PDE10A: variants seen among roughly 807,000 people sequenced by gnomAD.
PDE10A encodes the protein cAMP and cAMP-inhibited cGMP 3',5'-cyclic phosphodiesterase 10A.
A neutral mutation model predicts 97.7 loss-of-function variants in PDE10A; 39 were observed. The ratio of observed to expected loss-of-function variants is 0.40; its 90% CI spans 0.31 to 0.52. The LOEUF is 0.52. Ranked by LOEUF, PDE10A falls within the 20% of genes least tolerant of loss-of-function variation. PDE10A has a pLI of 0.56. For missense variants in PDE10A, 731 were observed against 1,047.8 expected, an observed-to-expected ratio of 0.70 and a Z score of 4.17; for synonymous variants, 371 against 376.8, an observed-to-expected ratio of 0.98 and a Z score of 0.18.
intron 10 of PDE10A, 26 bp downstream of exon 10, chr6:165,428,632 T>A: frequency 9.3e-7 from 1 of 1,075,668 alleles, no homozygotes; most frequent in Middle Eastern, 2.0e-4. Flanking sequence ...TTAAACAGAA[T>A]CATACTCAGA....
rs1784835738 is a variant in PDE10A at position 165,379,968 on chromosome 6, A to G, written c.2611-602T>C. On this transcript the variant is annotated intron_variant, in intron 17 of 21. Transcript: ENST00000539869. ...TACAACACAAATCACTGAAGCTACGACAATTCTAGGACCATCTTCTATTCC... is the reference window on the plus strand; with the variant it reads ...TACAACACAAATCACTGAAGCTACGGCAATTCTAGGACCATCTTCTATTCC... Among the ~76,000 whole-genome samples, 4 of 152,234 alleles carry G rather than the reference A, an allele frequency of 2.6e-5. No individual in the cohort carries two copies. In the South Asian group the frequency reaches 8.3e-4, roughly 31 times the overall value.
intron 1 of PDE10A, among the ~76,000 whole-genome samples, chr6:165,811,048 AC>A (rs1276026885): frequency 1.3e-5 from 2 of 152,144 alleles, no homozygotes; most frequent in South Asian, 4.1e-4. Context: ...ACATGGTGAA[AC>A]CCCATCTCTA....
At chr6:165,511,646 G>C (rs867362685) in intron 2 of PDE10A, among the ~76,000 whole-genome samples, 1 of 151,852 alleles carries the variant, frequency 6.6e-6, no homozygotes, top group Admixed American at 6.6e-5. Context: ...GTATTGGAGT[G>C]TCTCTCTCTC....
At chr6:165,577,178 A>AAGC (rs1176806680) in intron 1 of PDE10A, among the ~76,000 whole-genome samples, 1 of 152,202 alleles carries the variant, frequency 6.6e-6, no homozygotes, top group African/African-American at 2.4e-5. Flanking sequence ...AAGTAATCTG[A>AAGC]AGCAGGTTTC....
At chr6:165,701,645 G>GTA (rs1401554425) in intron 1 of PDE10A, among the ~76,000 whole-genome samples, 5 of 84,292 alleles carry the variant, frequency 5.9e-5, no homozygotes, top group African/African-American at 3.5e-4. Flanking sequence ...TACTCTTCAT[G>GTA]TATGTGTGTG....
intron 1 of PDE10A, among the ~76,000 whole-genome samples, chr6:165,822,615 T>TA (rs34504537): frequency 3.5e-4 from 50 of 144,886 alleles, no homozygotes; most frequent in South Asian, 8.7e-4. Flanking sequence ...GGTATAAGCT[T>TA]AAAAAAAAAA....
rs549332684 is a variant in PDE10A, at chr6:165,535,764, T to C, written c.994+7676A>G. On this transcript the variant is annotated intron_variant, in intron 2 of 21. Coordinates refer to ENST00000539869, the MANE Select transcript of PDE10A (RefSeq NM_001385079.1). Reference sequence around the variant, plus strand: ...TGATTTATTTTCCTAGGAATAAACTTAAGCAAAGAAGTGAAAGATACCTAC... The same window carrying C: ...TGATTTATTTTCCTAGGAATAAACTCAAGCAAAGAAGTGAAAGATACCTAC... Among the ~76,000 whole-genome samples the C allele has an allele frequency of 3.7e-4, 56 of 151,926 alleles. No homozygotes were observed. In the South Asian group the frequency reaches 0.011, roughly 30 times the overall value.
intron 13 of PDE10A, chr6:165,409,532 G>A (rs1343605499): frequency 6.4e-6 from 1 of 156,602 alleles, no homozygotes; most frequent in South Asian, 2.0e-4. Context: ...GGGTGACAAA[G>A]AGTGAAACTC....
chr6:165,545,730 G>C (rs1026366296), intron 1 of PDE10A, among the ~76,000 whole-genome samples: 16 of 151,936 alleles, frequency 1.1e-4, no homozygotes, highest in African/African-American at 3.9e-4. Context: ...ACACCTATTA[G>C]AATGGCTAAA....
intron 1 of PDE10A, among the ~76,000 whole-genome samples, chr6:165,680,658 C>T (rs1163894577): frequency 6.6e-6 from 1 of 152,210 alleles, no homozygotes; most frequent in East Asian, 1.9e-4. Context: ...AATCCCAGCA[C>T]TTTGGGAGGC....
At chr6:165,492,657 C>T (rs1229827461) in intron 2 of PDE10A, among the ~76,000 whole-genome samples, 1 of 152,178 alleles carries the variant, frequency 6.6e-6, no homozygotes, top group East Asian at 1.9e-4. Context: ...ATGATTAAAA[C>T]CCTCAGCAAA....
chr6:165,878,721 T>A (rs537727510), intron 1 of PDE10A, among the ~76,000 whole-genome samples: 7 of 152,252 alleles, frequency 4.6e-5, no homozygotes, highest in Middle Eastern at 3.4e-3. Flanking sequence ...GACGGCGAGA[T>A]GATCCTGAAT....
rs1790309187 is a variant in PDE10A at position 165,662,174 on chromosome 6, G to GGCC, written c.635_637dup (p.Arg212dup). On this transcript the variant is annotated inframe_insertion, in exon 1 of 22. Transcript: ENST00000539869. ...AAGGGGGAGCCGGGGCGGCGGCGGC[G>GGCC]GCCGGGGACCGGCACGGGCTGGAAG... The GGCC allele has an allele frequency of 3.4e-6, 1 of 291,052 alleles. No individual in the cohort carries two copies. The highest frequency in any genetic ancestry group is 1.2e-4 in the South Asian group (1 of 8,260). The allele number at this position is 291,052 out of a possible 1,614,324, so 18.0% of individuals were successfully genotyped here. A position where few individuals can be genotyped will look rare whatever the true frequency, so the allele number is the denominator to read the frequency against.
At chr6:165,870,429 G>A in intron 1 of PDE10A, among the ~76,000 whole-genome samples, 1 of 152,204 alleles carries the variant, frequency 6.6e-6, no homozygotes, top group East Asian at 1.9e-4. Context: ...AGTTAGAATG[G>A]CTACTATCGA....
At chr6:165,712,056 C>A (rs1348080580) in intron 1 of PDE10A, among the ~76,000 whole-genome samples, 33 of 152,036 alleles carry the variant, frequency 2.2e-4, no homozygotes, top group Non-Finnish European at 8.8e-5. Flanking sequence ...GAATGGATGT[C>A]CGTGTGGTTT....
intron 1 of PDE10A, among the ~76,000 whole-genome samples, chr6:165,627,261 C>G (rs765952310): frequency 6.6e-6 from 1 of 152,176 alleles, no homozygotes; most frequent in South Asian, 2.1e-4. Context: ...AGCCACCACA[C>G]GTGGCCCTGT....
chr6:165,575,529 C>T (rs187848127), intron 1 of PDE10A, among the ~76,000 whole-genome samples: 1 of 152,074 alleles, frequency 6.6e-6, no homozygotes, highest in Non-Finnish European at 1.5e-5. Context: ...CAGTTATTTC[C>T]CCTTTATGTC....
intron 1 of PDE10A, among the ~76,000 whole-genome samples, chr6:165,852,205 T>C (rs1780591148): frequency 6.6e-6 from 1 of 152,220 alleles, no homozygotes; most frequent in Admixed American, 6.5e-5. Flanking sequence ...GCCCTTCATG[T>C]GCTCAGCCAA....
At chr6:165,865,268 C>T (rs1781010672) in intron 1 of PDE10A, among the ~76,000 whole-genome samples, 1 of 152,194 alleles carries the variant, frequency 6.6e-6, no homozygotes, top group Non-Finnish European at 1.5e-5. Flanking sequence ...TTCTACCCAA[C>T]CCACACTACA....
Sources: gnomAD v4.1 joint callset for allele counts (sites outside exome capture counted in the v4.1 genomes callset) on GRCh38, gnomAD v4.1.1 for gene constraint, MANE v1.5 for transcripts, NCBI Gene and HGNC (gene_info 2026-07-23, HGNC 2026-07-21) for gene names.